DOCK5: variants seen among roughly 807,000 people sequenced by gnomAD.
DOCK5 encodes the protein dedicator of cytokinesis protein 5.
A neutral mutation model predicts 251.8 loss-of-function variants in DOCK5; 142 were observed. That is an observed-to-expected ratio of 0.56 (90% CI 0.49 to 0.65). The LOEUF (loss-of-function observed/expected upper bound fraction) is 0.65, where lower values mean the gene tolerates loss of function less well. DOCK5 is among the 30% of genes least tolerant of loss of function. The pLI is 0.00. For missense variants in DOCK5, 2,111 were observed against 2,312.3 expected (o/e 0.91, Z 1.79); for synonymous variants, 842 against 835.5 (o/e 1.01, Z -0.13).
Position 25,210,045 on chromosome 8 carries a change from T to TATATATATAAAA in DOCK5, c.43+25094_43+25095insATATATATAAAA, listed in dbSNP as rs1563309191. On this transcript the variant is annotated intron_variant, in intron 1 of 51. Coordinates refer to ENST00000276440, the MANE Select transcript of DOCK5 (RefSeq NM_024940.8). ...ATATATATATATATAAATGTGTGTGTGTGTGTGTGTGTGTGTGTGTGTGTA... is the reference window on the plus strand; with the variant it reads ...ATATATATATATATAAATGTGTGTGTATATATATAAAAGTGTGTGTGTGTGTGTGTGTGTGTA... Among the ~76,000 whole-genome samples the TATATATATAAAA allele has an allele frequency of 9.7e-5, 2 of 20,650 alleles. 1 individual carries two copies. The highest frequency in any genetic ancestry group is 4.6e-4 in the African/African-American group (2 of 4,340). The allele number at this position is 20,650 out of a possible 152,430, so 13.5% of individuals were successfully genotyped here.
At chr8:25,262,825 T>TC (rs947618263) in intron 2 of DOCK5, among the ~76,000 whole-genome samples, 2 of 151,650 alleles carry the variant, frequency 1.3e-5, no homozygotes, top group Non-Finnish European at 2.9e-5. Context: ...AGATACAATT[T>TC]TTTTTTTTTT....
chr8:25,382,718 G>GCCTCA lies in DOCK5; in HGVS notation c.4072_4076dup (p.Gln1359HisfsTer40). The GCCTCA allele has an allele frequency of 6.2e-7, 1 of 1,613,600 alleles. No homozygotes were observed. Among genetic ancestry groups the GCCTCA allele is most frequent in the Non-Finnish European group, 8.5e-7 (1 of 1,179,778 alleles). On this transcript the variant is annotated frameshift_variant, in exon 40 of 52. Coordinates refer to ENST00000276440, the MANE Select transcript of DOCK5 (RefSeq NM_024940.8). LOFTEE classifies it high-confidence loss of function. ...ATGAGAACATCATTAAGGCAATGAG[G>GCCTCA]CCTCAGCCTGAATACTTTGCTGTTG... is the stretch of plus-strand genomic sequence containing the variant.
chr8:25,211,883 G>A (rs140568077), intron 1 of DOCK5, among the ~76,000 whole-genome samples: 926 of 66,338 alleles, frequency 0.014, 274 homozygotes, highest in African/African-American at 0.031. Context: ...AGCTTCCGCC[G>A]GGCACGGTGG....
chr8:25,364,479 T>C, intron 29 of DOCK5, 147 bp from the exon 30 acceptor site: 1 of 605,304 alleles, frequency 1.7e-6, no homozygotes, highest in Non-Finnish European at 3.0e-6. Flanking sequence ...CGGATGGTGT[T>C]ATGCTGTTGT....
At chr8:25,386,855 C>T (rs1028035446) in intron 40 of DOCK5, among the ~76,000 whole-genome samples, 3 of 152,110 alleles carry the variant, frequency 2.0e-5, no homozygotes, top group South Asian at 2.1e-4. Context: ...GGTGAAATCA[C>T]GTAATCACTG....
Position 25,382,745 on chromosome 8 carries a change from A to G in DOCK5, c.4098A>G (p.Gly1366=). ...CTCAGCCTGAATACTTTGCTGTTGG[A>G]TACTATGGACAGGGCTTTCCTTCTT... ...MRPQPEYFAV[G]YYGQGFPSFL... is the part of the protein sequence containing the mutation. The change falls in exon 40 of 52, where the codon GGA becomes GGG. Residue 1366 remains glycine, a synonymous_variant. Coordinates refer to ENST00000276440, the MANE Select transcript of DOCK5 (RefSeq NM_024940.8). 9.3e-6 allele frequency: 15 copies of G among 1,613,804 alleles called. No homozygotes were observed. Among genetic ancestry groups the G allele is most frequent in the Non-Finnish European group, 1.3e-5 (15 of 1,179,816 alleles).
At chr8:25,375,350 A>G (rs1800945167) in intron 37 of DOCK5, 1 of 154,074 alleles carries the variant, frequency 6.5e-6, no homozygotes, top group African/African-American at 2.4e-5. Context: ...CAAGCGAGAG[A>G]TGTGGCCCCT....
At chr8:25,326,302 C>T (rs1384718169) in intron 18 of DOCK5, among the ~76,000 whole-genome samples, 1 of 152,098 alleles carries the variant, frequency 6.6e-6, no homozygotes, top group Admixed American at 6.5e-5. Flanking sequence ...GAGTGAGGTA[C>T]AGGCAAGAGC....
intron 27 of DOCK5, among the ~76,000 whole-genome samples, chr8:25,356,178 G>A (rs890856452): frequency 6.6e-6 from 1 of 152,102 alleles, no homozygotes; most frequent in South Asian, 2.1e-4. Context: ...CCAGCCTGGT[G>A]ACAGAGCGAG....
At chr8:25,352,791 A>G (rs1800493610) in intron 27 of DOCK5, among the ~76,000 whole-genome samples, 1 of 152,220 alleles carries the variant, frequency 6.6e-6, no homozygotes, top group African/African-American at 2.4e-5. Flanking sequence ...TTACAGCAAA[A>G]TAAACTACAT....
intron 1 of DOCK5, among the ~76,000 whole-genome samples, chr8:25,208,866 T>G (rs977742693): frequency 9.2e-5 from 14 of 152,206 alleles, no homozygotes; most frequent in African/African-American, 3.1e-4. Context: ...TTCATTTCTT[T>G]GCCTTCCCTC....
At chr8:25,335,303 A>G (rs1046461102) in intron 21 of DOCK5, among the ~76,000 whole-genome samples, 3 of 152,158 alleles carry the variant, frequency 2.0e-5, no homozygotes, top group African/African-American at 7.2e-5. Flanking sequence ...AGGAAATCCC[A>G]TCACTGTGAT....
In DOCK5 at chr8:25,278,637, G is replaced by A; in HGVS notation, c.293G>A (p.Trp98Ter). Residue 98 changes from tryptophan (W) to a stop codon, truncating the protein, a stop_gained, in exon 5 of 52, where the codon TGG (tryptophan) becomes TAG (stop). Transcript: ENST00000276440. LOFTEE classifies it high-confidence loss of function. ...GAGCTCACGTCCACTCTGCGAGAAT[G>A]GGCTGTCATCTGGCGAAAGCTCTAC... The part of the protein sequence containing the change: ...VQELTSTLRE[W>*]AVIWRKLYVN... The A allele has an allele frequency of 1.2e-6, 2 of 1,613,936 alleles. No individual in the cohort carries two copies. Among genetic ancestry groups the A allele is most frequent in the Non-Finnish European group, 1.7e-6 (2 of 1,179,890 alleles).
At chr8:25,249,333 C>A (rs1192818934) in intron 2 of DOCK5, among the ~76,000 whole-genome samples, 1 of 152,002 alleles carries the variant, frequency 6.6e-6, no homozygotes, top group Non-Finnish European at 1.5e-5. Flanking sequence ...TTAATAACAG[C>A]TTTCTTGAGA....
intron 31 of DOCK5, among the ~76,000 whole-genome samples, chr8:25,367,368 A>G (rs1156508021): frequency 6.6e-6 from 1 of 152,214 alleles, no homozygotes; most frequent in African/African-American, 2.4e-5. Context: ...CAGCAGAGAA[A>G]GCCAGGTCTC....
chr8:25,260,500 T>C (rs949674102), intron 2 of DOCK5, among the ~76,000 whole-genome samples: 1 of 152,190 alleles, frequency 6.6e-6, no homozygotes, highest in African/African-American at 2.4e-5. Context: ...TTTCAGCATC[T>C]GAATGATGCT....
intron 48 of DOCK5, among the ~76,000 whole-genome samples, chr8:25,406,063 A>G (rs1801517270): frequency 6.6e-6 from 1 of 152,040 alleles, no homozygotes. Context: ...GGTTCACGCC[A>G]TTCTCCTGCC....
At chr8:25,343,055 G>A (rs1800276318) in intron 25 of DOCK5, among the ~76,000 whole-genome samples, 2 of 151,788 alleles carry the variant, frequency 1.3e-5, no homozygotes, top group South Asian at 2.1e-4. Context: ...CTGGAGTTCT[G>A]TGGCACTGTC....
At chr8:25,350,274 T>C (rs1800442976) in intron 26 of DOCK5, among the ~76,000 whole-genome samples, 1 of 152,164 alleles carries the variant, frequency 6.6e-6, no homozygotes, top group African/African-American at 2.4e-5. Flanking sequence ...ATTTAGTTAT[T>C]TGAAGCATTA....
Sources: allele counts gnomAD v4.1 joint callset (sites outside exome capture counted in the v4.1 genomes callset), GRCh38; gene constraint gnomAD v4.1.1; transcripts MANE v1.5; gene names NCBI Gene and HGNC (gene_info 2026-07-23, HGNC 2026-07-21).